GABRB1: variants seen among roughly 807,000 people sequenced by gnomAD.
The protein encoded by GABRB1 is gamma-aminobutyric acid type A receptor subunit beta1.
Under a neutral mutation model 51.6 loss-of-function variants are expected in GABRB1, and 17 were observed. That is an observed-to-expected ratio of 0.33 (90% CI 0.23 to 0.49). GABRB1 has a LOEUF of 0.49. Ranked by LOEUF, GABRB1 falls within the 20% of genes least tolerant of loss-of-function variation. GABRB1 has a pLI of 0.99. For synonymous variants in GABRB1, 247 were observed against 218.9 expected (o/e 1.13, Z -1.14); for missense variants, 410 against 600.6 (o/e 0.68, Z 3.32).
At chr4:47,139,241 T>C (rs1182657539) in intron 3 of GABRB1, among the ~76,000 whole-genome samples, 2 of 151,674 alleles carry the variant, frequency 1.3e-5, no homozygotes, top group Non-Finnish European at 2.9e-5. Context: ...TTCCCAAGAG[T>C]AAATAAACAC....
chr4:47,175,495 C>T (rs768163360), intron 4 of GABRB1, among the ~76,000 whole-genome samples: 1 of 152,146 alleles, frequency 6.6e-6, no homozygotes, highest in Non-Finnish European at 1.5e-5. Flanking sequence ...CTACTCTTAA[C>T]ACTATCTCCC....
At chr4:47,074,878 G>A (rs1020028071) in intron 3 of GABRB1, among the ~76,000 whole-genome samples, 5 of 152,142 alleles carry the variant, frequency 3.3e-5, no homozygotes, top group African/African-American at 9.7e-5. Context: ...TGGCAGATGG[G>A]GTACTAGGCA....
At chr4:47,118,254 T>G (rs1348789643) in intron 3 of GABRB1, among the ~76,000 whole-genome samples, 1 of 152,132 alleles carries the variant, frequency 6.6e-6, no homozygotes, top group Non-Finnish European at 1.5e-5. Context: ...AAGAATATTT[T>G]GCCCTTTAAA....
At chr4:47,231,796 G>A (rs567231958) in intron 4 of GABRB1, among the ~76,000 whole-genome samples, 10 of 152,272 alleles carry the variant, frequency 6.6e-5, no homozygotes, top group Middle Eastern at 3.4e-3. Flanking sequence ...CACAGGCGTG[G>A]TGAGGAAAAT....
chr4:47,185,084 T>C (rs1406144408), intron 4 of GABRB1, among the ~76,000 whole-genome samples: 1 of 151,918 alleles, frequency 6.6e-6, no homozygotes, highest in African/African-American at 2.4e-5. Flanking sequence ...TATTTACTTC[T>C]ATTGTGCCTC....
chr4:47,378,147 T>G (rs1044120457), intron 5 of GABRB1, among the ~76,000 whole-genome samples: 2 of 151,382 alleles, frequency 1.3e-5, no homozygotes, highest in African/African-American at 4.9e-5. Flanking sequence ...AGGCGGGGAG[T>G]CGTGGGGAGG....
intron 3 of GABRB1, among the ~76,000 whole-genome samples, chr4:47,098,184 A>G (rs976693594): frequency 1.5e-5 from 2 of 130,040 alleles, no homozygotes; most frequent in Non-Finnish European, 3.5e-5. Context: ...ACACACACAC[A>G]CACACATGTT....
At chr4:47,122,652 G>A (rs1027214070) in intron 3 of GABRB1, among the ~76,000 whole-genome samples, 2 of 152,006 alleles carry the variant, frequency 1.3e-5, no homozygotes, top group Non-Finnish European at 2.9e-5. Context: ...CTAAGCAGGA[G>A]CTAATGTCTC....
chr4:47,347,451 G>A (rs1194171336), intron 5 of GABRB1, among the ~76,000 whole-genome samples: 1 of 152,138 alleles, frequency 6.6e-6, no homozygotes, highest in East Asian at 1.9e-4. Context: ...GTGAACAGAA[G>A]TGTGAGTATA....
At chr4:47,229,414 G>A (rs1404415850) in intron 4 of GABRB1, among the ~76,000 whole-genome samples, 1 of 152,116 alleles carries the variant, frequency 6.6e-6, no homozygotes, top group Non-Finnish European at 1.5e-5. Context: ...AATGGTTTGT[G>A]TGACACTCAA....
intron 5 of GABRB1, among the ~76,000 whole-genome samples, chr4:47,337,416 A>G (rs1008343254): frequency 1.3e-5 from 2 of 152,092 alleles, no homozygotes; most frequent in East Asian, 3.9e-4. Flanking sequence ...CATTGAGGAT[A>G]TGGGGATTTT....
rs752605683 is a variant in GABRB1, at chr4:47,406,665, G to A, written c.836-17G>A. ...ATAGTGGCACCTTCAGCTAAGTGTT[G>A]TCTTTCTCTTTCACAGGAATCACGA... On this transcript the variant is annotated splice_polypyrimidine_tract_variant and intron_variant, in intron 7 of 8. Transcript: ENST00000295454. 1.2e-6 allele frequency: 2 copies of A among 1,613,886 alleles called. No individual in the cohort carries two copies. The highest frequency in any genetic ancestry group is 3.3e-5 in the Admixed American group (2 of 60,010).
chr4:47,084,198 G>A (rs1253793051), intron 3 of GABRB1, among the ~76,000 whole-genome samples: 6 of 152,082 alleles, frequency 3.9e-5, no homozygotes, highest in African/African-American at 1.4e-4. Flanking sequence ...AGAATGTGTT[G>A]GGCTGAAATG....
intron 3 of GABRB1, among the ~76,000 whole-genome samples, chr4:47,132,772 T>G (rs893682691): frequency 1.3e-5 from 2 of 152,176 alleles, no homozygotes; most frequent in South Asian, 2.1e-4. Context: ...TACTGCTAAA[T>G]AGTAAAACAG....
At chr4:47,054,437 G>T (rs1189731590) in intron 3 of GABRB1, among the ~76,000 whole-genome samples, 1 of 152,188 alleles carries the variant, frequency 6.6e-6, no homozygotes, top group Admixed American at 6.5e-5. Flanking sequence ...GGATAATGAT[G>T]TCTGCTTTAC....
intron 4 of GABRB1, among the ~76,000 whole-genome samples, chr4:47,259,754 A>G (rs1722353000): frequency 1.3e-5 from 2 of 152,204 alleles, no homozygotes; most frequent in South Asian, 4.1e-4. Flanking sequence ...AGCCAAGGAC[A>G]TGAGTACTTT....
At chr4:47,155,074 T>G (rs1717633106) in intron 3 of GABRB1, among the ~76,000 whole-genome samples, 1 of 152,090 alleles carries the variant, frequency 6.6e-6, no homozygotes. Flanking sequence ...GTGAAGCAAC[T>G]GCTCTTGAAT....
chr4:47,334,704 T>C (rs959615240), intron 5 of GABRB1, among the ~76,000 whole-genome samples: 6 of 152,220 alleles, frequency 3.9e-5, no homozygotes, highest in South Asian at 2.1e-4. Flanking sequence ...ACCTCCGCTA[T>C]CTAGAGGTCT....
intron 8 of GABRB1, among the ~76,000 whole-genome samples, chr4:47,424,408 G>A (rs1365834635): frequency 6.6e-6 from 1 of 152,200 alleles, no homozygotes; most frequent in Non-Finnish European, 1.5e-5. Context: ...TGCTACTCAT[G>A]ATGGGAACAC....
Sources: allele counts gnomAD v4.1 joint callset (sites outside exome capture counted in the v4.1 genomes callset), GRCh38; gene constraint gnomAD v4.1.1; transcripts MANE v1.5; gene names NCBI Gene and HGNC (gene_info 2026-07-23, HGNC 2026-07-21).